The following GRIK1 variants were observed in gnomAD, a reference collection of about 807,000 sequenced individuals.
GRIK1 encodes glutamate receptor ionotropic, kainate 1.
A neutral mutation model predicts 105.7 loss-of-function variants in GRIK1; 69 were observed. The ratio of observed to expected loss-of-function variants is 0.65; its 90% CI spans 0.54 to 0.80. The LOEUF (loss-of-function observed/expected upper bound fraction) is 0.80. GRIK1 is among the 30% of genes least tolerant of loss of function. The pLI, the probability that GRIK1 is intolerant of heterozygous loss-of-function variation, is 0.00. For missense variants in GRIK1, 1,109 were observed against 1,167.3 expected (o/e 0.95, Z 0.73); for synonymous variants, 438 against 431.3 (o/e 1.02, Z -0.19).
chr21:29,672,008 C>G (rs1169189957), intron 4 of GRIK1, among the ~76,000 whole-genome samples: 1 of 151,492 alleles, frequency 6.6e-6, no homozygotes, highest in Admixed American at 6.6e-5. Context: ...CAAAATCACT[C>G]TGGGGTGAGA....
intron 16 of GRIK1, among the ~76,000 whole-genome samples, chr21:29,541,416 G>T (rs560861311): frequency 2.9e-4 from 44 of 152,210 alleles, no homozygotes; most frequent in African/African-American, 1.0e-3. Context: ...TGAGACAATA[G>T]TAGAATCATT....
intron 7 of GRIK1, among the ~76,000 whole-genome samples, chr21:29,616,242 A>G (rs930205005): frequency 4.6e-5 from 7 of 152,172 alleles, no homozygotes; most frequent in African/African-American, 1.7e-4. Flanking sequence ...ATTTTCAGAC[A>G]CAGGAGACTG....
At chr21:29,693,637 C>T (rs565952626) in intron 2 of GRIK1, among the ~76,000 whole-genome samples, 1 of 152,256 alleles carries the variant, frequency 6.6e-6, no homozygotes, top group East Asian at 1.9e-4. Flanking sequence ...TGACATTTTC[C>T]ATTCACAGCT....
intron 1 of GRIK1, among the ~76,000 whole-genome samples, chr21:29,710,405 T>A (rs1334765165): frequency 8.2e-6 from 1 of 122,042 alleles, no homozygotes; most frequent in African/African-American, 4.4e-5. Flanking sequence ...AGGATAGTTT[T>A]CTATCCTGTC....
At chr21:29,549,178 T>C (rs971177368) in intron 16 of GRIK1, among the ~76,000 whole-genome samples, 1 of 152,206 alleles carries the variant, frequency 6.6e-6, no homozygotes, top group African/African-American at 2.4e-5. Flanking sequence ...TTAAACAGTA[T>C]TTTTCAAAGT....
At chr21:29,714,372 A>G (rs925078159) in intron 1 of GRIK1, among the ~76,000 whole-genome samples, 1 of 152,238 alleles carries the variant, frequency 6.6e-6, no homozygotes, top group Admixed American at 6.5e-5. Flanking sequence ...CAAAAAAGAT[A>G]TTAACCAGGA....
intron 1 of GRIK1, among the ~76,000 whole-genome samples, chr21:29,892,775 T>G (rs963737576): frequency 8.5e-5 from 13 of 152,228 alleles, no homozygotes; most frequent in Non-Finnish European, 2.9e-5. Context: ...TTGCTTGAAA[T>G]GTAATCTTTT....
At chr21:29,662,261 A>G (rs2062979774) in intron 4 of GRIK1, among the ~76,000 whole-genome samples, 1 of 152,242 alleles carries the variant, frequency 6.6e-6, no homozygotes, top group African/African-American at 2.4e-5. Context: ...AGATTATGCT[A>G]TTTAAGGAGT....
At chr21:29,664,287 G>T (rs1470787854) in intron 4 of GRIK1, among the ~76,000 whole-genome samples, 1 of 152,122 alleles carries the variant, frequency 6.6e-6, no homozygotes, top group African/African-American at 2.4e-5. Flanking sequence ...AGTTGGAATT[G>T]GGAAGCCAGT....
chr21:29,720,716 G>T (rs193009229), intron 1 of GRIK1, among the ~76,000 whole-genome samples: 62 of 152,212 alleles, frequency 4.1e-4, no homozygotes, highest in African/African-American at 1.3e-3. Flanking sequence ...AGATTACTGA[G>T]TGCTTCCTAA....
At chr21:29,929,631 T>A (rs1210958472) in intron 1 of GRIK1, among the ~76,000 whole-genome samples, 4 of 152,216 alleles carry the variant, frequency 2.6e-5, no homozygotes, top group Non-Finnish European at 5.9e-5. Flanking sequence ...ATGGTTAGAA[T>A]GGCTATTATC....
intron 4 of GRIK1, among the ~76,000 whole-genome samples, chr21:29,666,534 A>G (rs917099894): frequency 6.6e-6 from 1 of 152,164 alleles, no homozygotes; most frequent in Non-Finnish European, 1.5e-5. Flanking sequence ...TTTTGCCTTA[A>G]TCGGGCAGAG....
At chr21:29,877,949 T>C (rs1217443670) in intron 1 of GRIK1, among the ~76,000 whole-genome samples, 3 of 151,998 alleles carry the variant, frequency 2.0e-5, no homozygotes, top group Admixed American at 6.6e-5. Context: ...ATAAAAGAAG[T>C]AGGAAAGAAC....
In GRIK1 at chr21:29,651,156, G is replaced by A. The variant is rs781581424; in HGVS notation, c.916C>T (p.Pro306Ser). The A allele has an allele frequency of 1.2e-6, 2 of 1,613,382 alleles. No homozygotes were observed. Among genetic ancestry groups the A allele is most frequent in the South Asian group, 2.2e-5 (2 of 90,920 alleles). Residue 306 changes from proline to serine, a missense_variant, in exon 6 of 18, where the codon CCC (proline) becomes TCC (serine). Physicochemically the swap from Pro to Ser is moderately conservative, Grantham distance 74 (BLOSUM62 -1). This residue lies in a region of GRIK1 where 612 missense variants were observed against 586.0 expected (regional missense o/e 1.04). Transcript: ENST00000327783. ...TCCAAAAGGCCAGTCTCGGGCCTGG[G>A]TGGGGCCTGCAGTCTCTCCATGGAC... is the stretch of plus-strand genomic sequence containing the variant. ...KWSMERLQAP[P>S]RPETGLLDGM...
At chr21:29,669,071 C>T (rs2063115871) in intron 4 of GRIK1, among the ~76,000 whole-genome samples, 1 of 152,100 alleles carries the variant, frequency 6.6e-6, no homozygotes. Flanking sequence ...CTTCTGTAGC[C>T]TAATCAAGTC....
At chr21:29,810,075 A>T (rs1184029832) in intron 1 of GRIK1, among the ~76,000 whole-genome samples, 1 of 152,120 alleles carries the variant, frequency 6.6e-6, no homozygotes, top group Non-Finnish European at 1.5e-5. Flanking sequence ...AGATGGGTGG[A>T]TCACTTGAGG....
At chr21:29,863,375 G>A (rs1264105593) in intron 1 of GRIK1, among the ~76,000 whole-genome samples, 1 of 152,076 alleles carries the variant, frequency 6.6e-6, no homozygotes, top group Non-Finnish European at 1.5e-5. Context: ...AAATCAGTTT[G>A]TACTCTATAG....
At chr21:29,917,688 G>C (rs188549575) in intron 1 of GRIK1, among the ~76,000 whole-genome samples, 8 of 151,950 alleles carry the variant, frequency 5.3e-5, no homozygotes, top group African/African-American at 1.9e-4. Context: ...CAAAATAATT[G>C]TAAAAACCTA....
At chr21:29,919,676 A>C (rs1382441122) in intron 1 of GRIK1, among the ~76,000 whole-genome samples, 1 of 152,102 alleles carries the variant, frequency 6.6e-6, no homozygotes, top group Non-Finnish European at 1.5e-5. Context: ...CACAGAGTAG[A>C]TTTAATTATA....
Sources: gnomAD v4.1 joint callset for allele counts (sites outside exome capture counted in the v4.1 genomes callset) on GRCh38, gnomAD v4.1.1 for gene constraint, gnomAD v4.1.1 regional missense constraint, MANE v1.5 for transcripts, NCBI Gene and HGNC (gene_info 2026-07-23, HGNC 2026-07-21) for gene names.